LRRC4B: variants seen among roughly 807,000 people sequenced by gnomAD.
LRRC4B encodes leucine rich repeat containing 4B, also known as leucine-rich repeat-containing protein 4B.
A neutral mutation model predicts 7.3 loss-of-function variants in LRRC4B; 1 was observed. The ratio of observed to expected loss-of-function variants is 0.14; its 90% CI spans 0.05 to 0.65. LRRC4B has a LOEUF of 0.65. Ranked by LOEUF, LRRC4B falls within the 30% of genes least tolerant of loss-of-function variation. The pLI is 0.84. For synonymous variants in LRRC4B, 500 were observed against 499.2 expected (o/e 1.00, Z -0.02); for missense variants, 730 against 1,041.6 (o/e 0.70, Z 4.12).
chr19:50,565,569 C>CA (rs1389872274), intron 1 of LRRC4B, among the ~76,000 whole-genome samples: 1 of 145,882 alleles, frequency 6.9e-6, no homozygotes, highest in Non-Finnish European at 1.5e-5. Flanking sequence ...GTGTACCTGC[C>CA]AGGGGAATCT....
intron 1 of LRRC4B, among the ~76,000 whole-genome samples, chr19:50,551,407 C>G (rs2122904332): frequency 6.6e-6 from 1 of 151,492 alleles, no homozygotes; most frequent in Admixed American, 6.6e-5. Context: ...GCCACTGCAG[C>G]AGTTCTCTGC....
At chr19:50,530,931 G>C (rs939148173) in intron 2 of LRRC4B, among the ~76,000 whole-genome samples, 35 of 132,460 alleles carry the variant, frequency 2.6e-4, no homozygotes, top group Admixed American at 8.5e-4. Context: ...AGAAACCTGG[G>C]GGGGGGGGGT....
chr19:50,557,169 G>T (rs1982305994), intron 1 of LRRC4B, among the ~76,000 whole-genome samples: 1 of 152,066 alleles, frequency 6.6e-6, no homozygotes, highest in Admixed American at 6.5e-5. Context: ...TTGTAAAAGT[G>T]GCAGAACCTG....
intron 2 of LRRC4B, among the ~76,000 whole-genome samples, chr19:50,528,977 C>T (rs1980936911): frequency 6.6e-6 from 1 of 152,112 alleles, no homozygotes; most frequent in Admixed American, 6.6e-5. Flanking sequence ...CTGTGGGCAT[C>T]GCCTGTCCAG....
intron 2 of LRRC4B, among the ~76,000 whole-genome samples, chr19:50,521,851 C>T (rs1166299026): frequency 2.6e-5 from 4 of 152,058 alleles, no homozygotes; most frequent in Non-Finnish European, 4.4e-5. Context: ...CGTGAACCAC[C>T]GTGCCCGGCC....
At chr19:50,525,177 T>A (rs1980750989) in intron 2 of LRRC4B, among the ~76,000 whole-genome samples, 1 of 152,128 alleles carries the variant, frequency 6.6e-6, no homozygotes, top group African/African-American at 2.4e-5. Flanking sequence ...GTAGGGCCTG[T>A]CACTTGAGCT....
chr19:50,549,296 G>A (rs1981952256), intron 1 of LRRC4B, among the ~76,000 whole-genome samples: 1 of 152,198 alleles, frequency 6.6e-6, no homozygotes, highest in African/African-American at 2.4e-5. Context: ...GCAGAAACGG[G>A]GAAGAGCAAG....
At position 50,537,605 on chromosome 19, in the gene LRRC4B, T is replaced by G. The variant is rs1353679966; in HGVS notation, c.297+10937A>C. Among the ~76,000 whole-genome samples, 2 of 152,200 alleles carry G rather than the reference T, an allele frequency of 1.3e-5. No individual in the cohort carries two copies. The highest frequency in any genetic ancestry group is 4.8e-5 in the African/African-American group (2 of 41,450). ...CCGAGGCTCAGGGGCCATGTGGCTT[T>G]GCAGGACGCCAAGCAATTCTACGCC... On this transcript the variant is annotated intron_variant, in intron 2 of 2. Transcript: ENST00000652263. This position sits in a 1 kb window ranked among gnomAD's most constrained non-coding sequence, Gnocchi z 5.5.
At chr19:50,532,238 A>G (rs912196316) in intron 2 of LRRC4B, among the ~76,000 whole-genome samples, 5 of 150,712 alleles carry the variant, frequency 3.3e-5, no homozygotes. Context: ...TGTCTCAACA[A>G]AAACAAAAAC....
Position 50,519,159 on chromosome 19 carries a change from C to T in LRRC4B, c.554G>A (p.Arg185Gln). The T allele has an allele frequency of 6.2e-7, 1 of 1,613,424 alleles. No homozygotes were observed. The change falls in exon 3 of 3, where the codon CGG (arginine) becomes CAG (glutamine). Residue 185 changes from arginine (R) to glutamine (Q), a missense_variant. Coordinates refer to ENST00000652263, the MANE Select transcript of LRRC4B (RefSeq NM_001080457.2). The surrounding 1 kb of genome is among the most constrained non-coding windows in gnomAD (Gnocchi z 8.1). The stretch of plus-strand genomic sequence containing the variant: ...CTTGAGCTCGCCCAGGTCCAGGCGC[C>T]GCAGCGAGGGCACGCGGTTGAAGGC... ...SYAFNRVPSLRRLDLGELKRL... is the reference protein window; with the variant it reads ...SYAFNRVPSLQRLDLGELKRL...
Position 50,563,867 on chromosome 19 carries a change from G to GAAGGAT in LRRC4B, c.-36+4071_-36+4076dup, listed in dbSNP as rs1982546057. Among the ~76,000 whole-genome samples the GAAGGAT allele has an allele frequency of 6.6e-6, 1 of 152,226 alleles. No individual in the cohort carries two copies. Among genetic ancestry groups the GAAGGAT allele is most frequent in the Admixed American group, 6.5e-5 (1 of 15,284 alleles). On this transcript the variant is annotated intron_variant, in intron 1 of 2. Transcript: ENST00000652263. This position sits in a 1 kb window ranked among gnomAD's most constrained non-coding sequence, Gnocchi z 4.9. ...AGTCTTAAGAACCACTTCTCCCAGA[G>GAAGGAT]AAGGATAAGACTCTTCCTGCTCTCG...
In LRRC4B at chr19:50,537,968, CG is replaced by C. The variant is rs1294083244; in HGVS notation, c.297+10573del. On this transcript the variant is annotated intron_variant, in intron 2 of 2. Transcript: ENST00000652263. This position sits in a 1 kb window ranked among gnomAD's most constrained non-coding sequence, Gnocchi z 5.5. The stretch of plus-strand genomic sequence containing the variant: ...ACCTCCTGGCTGCTGGTCGCAGGCC[CG>C]CGGCTGGGGAATGTCCCAGTTGACC... 2.0e-5 allele frequency among the ~76,000 whole-genome samples: 3 copies of C among 152,314 alleles called. No homozygotes were observed. Among genetic ancestry groups the C allele is most frequent in the African/African-American group, 7.2e-5 (3 of 41,580 alleles).
rs946665193 is a variant in LRRC4B, at chr19:50,523,595, G to A, written c.298-4180C>T. On this transcript the variant is annotated intron_variant, in intron 2 of 2. Coordinates refer to ENST00000652263, the MANE Select transcript of LRRC4B (RefSeq NM_001080457.2). Reference sequence around the variant, plus strand: ...CGGGAGACTGAGGCAAGAGGGAGGCGGAGGTTGCAGTGAGCCGAGATCGCG... The same window carrying A: ...CGGGAGACTGAGGCAAGAGGGAGGCAGAGGTTGCAGTGAGCCGAGATCGCG... Among the ~76,000 whole-genome samples the A allele has an allele frequency of 7.9e-5, 12 of 151,042 alleles. No homozygotes were observed. In the East Asian group the frequency reaches 1.2e-3, roughly 15 times the overall value.
chr19:50,539,711 AC>A lies in LRRC4B; in HGVS notation c.297+8830del, dbSNP rs1981458017. Among the ~76,000 whole-genome samples the A allele has an allele frequency of 5.3e-5, 8 of 151,910 alleles. No individual in the cohort carries two copies. The South Asian group carries it at 1.7e-3, about 32-fold the overall frequency. ...AGACCAGCCTGGCCAGCATGGTGAA[AC>A]CCCGTCTCTACCAAAAATACAAAAA... On this transcript the variant is annotated intron_variant, in intron 2 of 2. Coordinates refer to ENST00000652263, the MANE Select transcript of LRRC4B (RefSeq NM_001080457.2).
Position 50,549,406 on chromosome 19 carries a change from A to C in LRRC4B, c.-35-533T>G, listed in dbSNP as rs1981958067. On this transcript the variant is annotated intron_variant, in intron 1 of 2. Transcript: ENST00000652263. ...TGGGTCCCAGCCTCCTCTCCCCTCC[A>C]CTCCCTCCCCCTCTCCCCATCCCAG... Among the ~76,000 whole-genome samples, 5 of 142,074 alleles carry C rather than the reference A, an allele frequency of 3.5e-5. No homozygotes were observed. In the South Asian group the frequency reaches 6.8e-4, roughly 19 times the overall value. 93.2% of individuals were successfully genotyped at this position (142,074 alleles called of 152,430 possible).
intron 2 of LRRC4B, among the ~76,000 whole-genome samples, chr19:50,542,443 C>G (rs988626509): frequency 4.0e-5 from 6 of 149,792 alleles, no homozygotes; most frequent in East Asian, 3.9e-4. Context: ...GTGGTGGGGC[C>G]GGGGCAGGGC....
In LRRC4B at chr19:50,553,944, C is replaced by T. The variant is rs1982186831; in HGVS notation, c.-35-5071G>A. Among the ~76,000 whole-genome samples, 2 of 151,988 alleles carry T rather than the reference C, an allele frequency of 1.3e-5. No homozygotes were observed. The highest frequency in any genetic ancestry group is 6.6e-5 in the Admixed American group (1 of 15,256). On this transcript the variant is annotated intron_variant, in intron 1 of 2. Coordinates refer to ENST00000652263, the MANE Select transcript of LRRC4B (RefSeq NM_001080457.2). The surrounding 1 kb of genome is among the most constrained non-coding windows in gnomAD (Gnocchi z 4.2). Reference sequence around the variant, plus strand: ...GCTCCCAGCCCTGGACACCCTCGGTCCCCAGGTCCCCTTCCATCCCAGGAG... The same window carrying T: ...GCTCCCAGCCCTGGACACCCTCGGTTCCCAGGTCCCCTTCCATCCCAGGAG...
At chr19:50,534,972 G>C (rs1981200970) in intron 2 of LRRC4B, among the ~76,000 whole-genome samples, 1 of 152,040 alleles carries the variant, frequency 6.6e-6, no homozygotes, top group Non-Finnish European at 1.5e-5. Context: ...GGGTTCAAGT[G>C]ATTCTCCTGC....
intron 2 of LRRC4B, among the ~76,000 whole-genome samples, chr19:50,522,455 ATTTATTAT>A (rs1373820794): frequency 8.2e-6 from 1 of 121,442 alleles, no homozygotes; most frequent in Non-Finnish European, 1.7e-5. Flanking sequence ...AAGCTATTTT[ATTTATTAT>A]TTATTTATTT....
Sources: allele counts gnomAD v4.1 joint callset (sites outside exome capture counted in the v4.1 genomes callset), GRCh38; gene constraint gnomAD v4.1.1; non-coding constraint Gnocchi (gnomAD v3.1); transcripts MANE v1.5; gene names NCBI Gene and HGNC (gene_info 2026-07-23, HGNC 2026-07-21).